The following CDKL5 variants were observed in gnomAD, a reference collection of about 807,000 sequenced individuals.
The protein encoded by CDKL5 is cyclin-dependent kinase-like 5.
CDKL5 carries 8 observed loss-of-function variants against 61.7 expected under a neutral mutation model. The observed-to-expected ratio is 0.13, with a 90% CI of 0.08 to 0.23. The LOEUF (loss-of-function observed/expected upper bound fraction) is 0.23, where lower values mean the gene tolerates loss of function less well. Among genes scored for constraint, CDKL5 ranks in the 10% least tolerant of loss-of-function variants. CDKL5 has a pLI of 1.00. For missense variants in CDKL5, 440 were observed against 734.5 expected (o/e 0.60, Z 4.63); for synonymous variants, 275 against 272.3 (o/e 1.01, Z -0.10).
At chrX:18,611,451 A>T (rs1392738749) in intron 14 of CDKL5, among the ~76,000 whole-genome samples, 1 of 109,963 alleles carries the variant, frequency 9.1e-6, no homozygotes, top group Admixed American at 9.7e-5. Context: ...AAAAAAAAAA[A>T]AAAAAGAATT....
intron 1 of CDKL5, among the ~76,000 whole-genome samples, chrX:18,499,753 T>G (rs1922317335): frequency 8.9e-6 from 1 of 112,202 alleles, no homozygotes; most frequent in African/African-American, 3.2e-5. Flanking sequence ...CCAAAGTCTT[T>G]TGGGATCATT....
intron 3 of CDKL5, among the ~76,000 whole-genome samples, chrX:18,533,879 T>G (rs1298921417): frequency 8.9e-6 from 1 of 112,000 alleles, no homozygotes; most frequent in Non-Finnish European, 1.9e-5. Context: ...CCCATCCTTG[T>G]GCTGCTCTGT....
intron 3 of CDKL5, among the ~76,000 whole-genome samples, chrX:18,563,146 C>T (rs1188074339): frequency 9.0e-6 from 1 of 111,682 alleles, no homozygotes; most frequent in Non-Finnish European, 1.9e-5. Context: ...TTTCTCTATT[C>T]CTGGAAGCTA....
intron 3 of CDKL5, among the ~76,000 whole-genome samples, chrX:18,515,561 A>T (rs1394072708): frequency 1.8e-5 from 2 of 111,458 alleles, no homozygotes. Flanking sequence ...GGGATGAAAG[A>T]TGATCCCAGG....
intron 1 of CDKL5, among the ~76,000 whole-genome samples, chrX:18,455,299 C>T (rs1252090242): frequency 3.6e-5 from 4 of 112,045 alleles, no homozygotes; most frequent in Admixed American, 9.5e-5. Flanking sequence ...CCAAAGCATC[C>T]AATGTAATTT....
chrX:18,507,233 C>A, intron 2 of CDKL5, 73 bp downstream of exon 2: 1 of 663,427 alleles, frequency 1.5e-6, no homozygotes, highest in Non-Finnish European at 2.5e-6. Flanking sequence ...CAAAAAGTTA[C>A]TAATTAGATC....
chrX:18,642,011 C>A, downstream of CDKL5: 1 of 1,211,416 alleles, frequency 8.3e-7, no homozygotes, highest in Non-Finnish European at 1.1e-6. Context: ...GCATCAGGCA[C>A]ACTTGCTGAC....
At chrX:18,586,875 A>T (rs1925658415) in intron 8 of CDKL5, among the ~76,000 whole-genome samples, 2 of 111,851 alleles carry the variant, frequency 1.8e-5, no homozygotes, top group Non-Finnish European at 3.8e-5. Flanking sequence ...TGCCCTGCCC[A>T]ACAAACTTAC....
chrX:18,500,679 C>A (rs899397291), intron 1 of CDKL5, among the ~76,000 whole-genome samples: 4 of 110,677 alleles, frequency 3.6e-5, no homozygotes, highest in African/African-American at 1.3e-4. Context: ...AGAACTAAAA[C>A]GTTTTAGTTT....
At chrX:18,481,374 A>G (rs1921567615) in intron 1 of CDKL5, among the ~76,000 whole-genome samples, 1 of 85,139 alleles carries the variant, frequency 1.2e-5, no homozygotes. Context: ...CTTTCTTTTG[A>G]GGCAGGGCGT....
In CDKL5 at chrX:18,439,611, G is replaced by A. The variant is rs756876593; in HGVS notation, c.-163+13916G>A. On this transcript the variant is annotated intron_variant, in intron 1 of 17. Transcript: ENST00000623535. ...CCAGCACTTTGGGAGGCCAAGGCAG[G>A]CAGATCACCAGAGGTTGGGAGTTCG... 6.3e-5 allele frequency among the ~76,000 whole-genome samples: 7 copies of A among 111,104 alleles called. No individual in the cohort carries two copies. The South Asian group carries it at 2.7e-3, about 42-fold the overall frequency.
chrX:18,521,227 T>A (rs748948259), intron 3 of CDKL5, among the ~76,000 whole-genome samples: 17 of 112,348 alleles, frequency 1.5e-4, no homozygotes, highest in African/African-American at 5.5e-4. Flanking sequence ...TTGGGTTGTC[T>A]TTTTGGTTGA....
At chrX:18,515,998 C>G (rs1923000103) in intron 3 of CDKL5, among the ~76,000 whole-genome samples, 1 of 108,396 alleles carries the variant, frequency 9.2e-6, no homozygotes, top group Non-Finnish European at 1.9e-5. Context: ...TTCTTTCCTT[C>G]TTTCTCTCTC....
chrX:18,500,104 C>T (rs1428497858), intron 1 of CDKL5, among the ~76,000 whole-genome samples: 1 of 111,361 alleles, frequency 9.0e-6, no homozygotes, highest in Non-Finnish European at 1.9e-5. Flanking sequence ...GGGGTTTTGG[C>T]TTCAAGTGAG....
intron 3 of CDKL5, among the ~76,000 whole-genome samples, chrX:18,560,561 C>T (rs367975831): frequency 1.8e-5 from 2 of 111,789 alleles, no homozygotes; most frequent in South Asian, 3.7e-4. Flanking sequence ...CTACTATGTG[C>T]CTGCTATTCT....
intron 13 of CDKL5, among the ~76,000 whole-genome samples, chrX:18,609,263 G>A (rs1027806783): frequency 9.1e-5 from 10 of 110,483 alleles, no homozygotes; most frequent in African/African-American, 3.3e-4. Context: ...GTGTAGCAGC[G>A]TGTGCCTGTA....
At chrX:18,531,428 T>C (rs753431906) in intron 3 of CDKL5, among the ~76,000 whole-genome samples, 8 of 112,230 alleles carry the variant, frequency 7.1e-5, no homozygotes, top group Non-Finnish European at 1.3e-4. Flanking sequence ...GAGGTAAAAC[T>C]GCAAGAACTT....
intron 16 of CDKL5, among the ~76,000 whole-genome samples, chrX:18,624,174 G>A (rs906365889): frequency 3.6e-5 from 4 of 112,034 alleles, no homozygotes; most frequent in Admixed American, 2.8e-4. Context: ...TTCTGAATCA[G>A]TTAAGAAAGT....
chrX:18,649,853 G>C (rs147249239), intron 20 of CDKL5, among the ~76,000 whole-genome samples: 2,187 of 112,071 alleles, frequency 0.02, 28 homozygotes, highest in Middle Eastern at 0.06. Context: ...GAGCGATCAG[G>C]GGGAGGGGCA....
Sources: allele counts gnomAD v4.1 joint callset (sites outside exome capture counted in the v4.1 genomes callset), GRCh38; gene constraint gnomAD v4.1.1; transcripts MANE v1.5; gene names NCBI Gene and HGNC (gene_info 2026-07-23, HGNC 2026-07-21).